RTL4: variants seen among roughly 807,000 people sequenced by gnomAD.
RTL4 encodes the protein retrotransposon Gag-like protein 4.
Under a neutral mutation model 5.3 loss-of-function variants are expected in RTL4, and 4 were observed. The observed-to-expected ratio is 0.75, with a 90% CI of 0.37 to 1.72. The LOEUF is 1.72. Among genes scored for constraint, RTL4 ranks in the 40% most tolerant of loss-of-function variants. The pLI is 0.04. For synonymous variants in RTL4, 98 were observed against 87.3 expected (o/e 1.12, Z -0.68); for missense variants, 260 against 227.1 (o/e 1.14, Z -0.93).
the RTL4 span, among the ~76,000 whole-genome samples, chrX:112,131,733 T>C: frequency 1.9e-5 from 2 of 108,072 alleles, no homozygotes; most frequent in African/African-American, 6.8e-5. Context: ...AAGGGAGAAA[T>C]TGGAAAAGAA....
At chrX:112,152,131 C>T in the RTL4 span, among the ~76,000 whole-genome samples, 3 of 111,240 alleles carry the variant, frequency 2.7e-5, no homozygotes, top group Admixed American at 2.9e-4. Flanking sequence ...CAGACTAGGC[C>T]TAGGAGGAAC....
the RTL4 span, among the ~76,000 whole-genome samples, chrX:112,345,784 C>T: frequency 2.9e-4 from 32 of 111,406 alleles, no homozygotes; most frequent in Non-Finnish European, 4.9e-4. Flanking sequence ...GTCAGATTAC[C>T]AGCCACAGGC....
At chrX:112,163,642 T>G in the RTL4 span, among the ~76,000 whole-genome samples, 1 of 112,012 alleles carries the variant, frequency 8.9e-6, no homozygotes, top group Non-Finnish European at 1.9e-5. Context: ...AACTTTGGAG[T>G]CAGACATCTT....
chrX:112,402,194 A>G, the RTL4 span, among the ~76,000 whole-genome samples: 1 of 111,448 alleles, frequency 9.0e-6, no homozygotes, highest in African/African-American at 3.3e-5. Flanking sequence ...GATACCTCAT[A>G]CTCTAACTGC....
At chrX:112,387,218 C>T in the RTL4 span, among the ~76,000 whole-genome samples, 3 of 108,959 alleles carry the variant, frequency 2.8e-5, no homozygotes, top group Non-Finnish European at 5.7e-5. Context: ...GATTTGAGTT[C>T]GTTGTAGATT....
the RTL4 span, among the ~76,000 whole-genome samples, chrX:112,222,579 A>G: frequency 1.2e-4 from 13 of 109,800 alleles, no homozygotes; most frequent in Non-Finnish European, 9.5e-5. Context: ...AATTGAAAAA[A>G]AAAAATAGCT....
chrX:112,157,446 A>G, the RTL4 span, among the ~76,000 whole-genome samples: 1 of 111,081 alleles, frequency 9.0e-6, no homozygotes, highest in Non-Finnish European at 1.9e-5. Context: ...CCTAAGGCCT[A>G]TGAACTTTGG....
At chrX:112,407,336 C>G in the RTL4 span, among the ~76,000 whole-genome samples, 813 of 111,181 alleles carry the variant, frequency 7.3e-3, 7 homozygotes, top group African/African-American at 0.026. Flanking sequence ...GGCCTTGGAC[C>G]TCAAGGGAAC....
At chrX:112,206,282 A>G in the RTL4 span, among the ~76,000 whole-genome samples, 1 of 111,716 alleles carries the variant, frequency 9.0e-6, no homozygotes, top group Non-Finnish European at 1.9e-5. Context: ...TCTACTACTC[A>G]TGGCTGTTCT....
chrX:112,279,722 G>A, the RTL4 span, among the ~76,000 whole-genome samples: 2 of 111,297 alleles, frequency 1.8e-5, no homozygotes, highest in Non-Finnish European at 1.9e-5. Flanking sequence ...AAAGCAGAGA[G>A]GGCAACTTAT....
At chrX:112,427,958 A>G in the RTL4 span, among the ~76,000 whole-genome samples, 11 of 107,561 alleles carry the variant, frequency 1.0e-4, no homozygotes, top group Admixed American at 1.0e-4. Flanking sequence ...GAAGTCCATT[A>G]TATTATTCTC....
the RTL4 span, among the ~76,000 whole-genome samples, chrX:112,327,214 T>G: frequency 9.0e-6 from 1 of 111,640 alleles, no homozygotes; most frequent in Non-Finnish European, 1.9e-5. Flanking sequence ...CTCCGAGCTA[T>G]GGGAGGACAT....
the RTL4 span, among the ~76,000 whole-genome samples, chrX:112,240,154 A>G: frequency 1.8e-5 from 2 of 112,141 alleles, no homozygotes; most frequent in African/African-American, 6.5e-5. Context: ...TGAAAAATAC[A>G]GTAACTCAAA....
the RTL4 span, among the ~76,000 whole-genome samples, chrX:112,309,502 T>A: frequency 1.8e-5 from 2 of 110,413 alleles, no homozygotes; most frequent in East Asian, 2.9e-4. Flanking sequence ...TGTGTCTTTT[T>A]TTTTAAGACA....
At chrX:112,221,654 G>T in the RTL4 span, among the ~76,000 whole-genome samples, 1 of 112,398 alleles carries the variant, frequency 8.9e-6, no homozygotes, top group South Asian at 3.7e-4. Context: ...TGGGTCATCT[G>T]CCTTTCTGTG....
At chrX:112,222,251 CCTAT>C in the RTL4 span, among the ~76,000 whole-genome samples, 75 of 111,377 alleles carry the variant, frequency 6.7e-4, no homozygotes, top group South Asian at 0.028. Context: ...TCAGAAATCT[CCTAT>C]CTATTTTCTA....
chrX:112,362,404 T>C, the RTL4 span, among the ~76,000 whole-genome samples: 5 of 111,473 alleles, frequency 4.5e-5, no homozygotes, highest in African/African-American at 6.5e-5. Context: ...TGTTAGAAAA[T>C]GGGCAGAAGT....
At chrX:112,231,736 T>C in the RTL4 span, among the ~76,000 whole-genome samples, 311 of 110,934 alleles carry the variant, frequency 2.8e-3, no homozygotes, top group African/African-American at 9.3e-3. Context: ...ATAAAAAAAT[T>C]GCATAATTTA....
At chrX:112,168,112 C>G in the RTL4 span, among the ~76,000 whole-genome samples, 23 of 111,129 alleles carry the variant, frequency 2.1e-4, 1 homozygote, top group Admixed American at 2.2e-3. Flanking sequence ...AGCAAAGGAT[C>G]TGTCAAGAGA....
Sources: gnomAD v4.1 joint callset for allele counts (sites outside exome capture counted in the v4.1 genomes callset) on GRCh38, gnomAD v4.1.1 for gene constraint, MANE v1.5 for transcripts, NCBI Gene and HGNC (gene_info 2026-07-23, HGNC 2026-07-21) for gene names.